CNTNAP5: variants seen among roughly 807,000 people sequenced by gnomAD.
The protein encoded by CNTNAP5 is contactin associated protein family member 5.
CNTNAP5 carries 72 observed loss-of-function variants against 150.2 expected under a neutral mutation model. The ratio of observed to expected loss-of-function variants is 0.48; its 90% CI spans 0.40 to 0.58. The LOEUF (loss-of-function observed/expected upper bound fraction) is 0.58. Ranked by LOEUF, CNTNAP5 falls within the 20% of genes least tolerant of loss-of-function variation. The probability of loss-of-function intolerance (pLI) is 0.00; values close to 1 mark genes in which losing one functional copy is unlikely to be tolerated. For synonymous variants in CNTNAP5, 672 were observed against 619.8 expected, an observed-to-expected ratio of 1.08 and a Z score of -1.25; for missense variants, 1,636 against 1,626.2, an observed-to-expected ratio of 1.01 and a Z score of -0.10.
chr2:124,744,424 A>G (rs939916507), intron 13 of CNTNAP5, among the ~76,000 whole-genome samples: 5 of 152,292 alleles, frequency 3.3e-5, no homozygotes, highest in Admixed American at 2.0e-4. Context: ...CAGCATGAAA[A>G]TGCACTAATA....
At chr2:124,583,309 A>G (rs1329079332) in intron 11 of CNTNAP5, among the ~76,000 whole-genome samples, 1 of 152,214 alleles carries the variant, frequency 6.6e-6, no homozygotes, top group Admixed American at 6.5e-5. Flanking sequence ...CTCAAATGCA[A>G]TGGCTAACAA....
intron 14 of CNTNAP5, among the ~76,000 whole-genome samples, chr2:124,756,538 A>G (rs1680843511): frequency 6.6e-6 from 1 of 152,242 alleles, no homozygotes; most frequent in Non-Finnish European, 1.5e-5. Context: ...GATAGACTGG[A>G]TAAAGAAAAT....
chr2:124,051,256 T>C (rs2104642834), intron 1 of CNTNAP5, among the ~76,000 whole-genome samples: 1 of 152,152 alleles, frequency 6.6e-6, no homozygotes, highest in East Asian at 1.9e-4. Context: ...GTCTCATCAG[T>C]TCAACAGGTG....
At chr2:124,785,181 A>G (rs987593645) in intron 17 of CNTNAP5, among the ~76,000 whole-genome samples, 9 of 152,190 alleles carry the variant, frequency 5.9e-5, no homozygotes, top group Non-Finnish European at 1.2e-4. Flanking sequence ...ATGAAAGTAT[A>G]TTAGAGCAAT....
At chr2:124,523,632 C>T (rs1026686729) in intron 8 of CNTNAP5, among the ~76,000 whole-genome samples, 3 of 152,118 alleles carry the variant, frequency 2.0e-5, no homozygotes, top group Non-Finnish European at 2.9e-5. Flanking sequence ...TAGAGAGTGT[C>T]GTGCCTCATT....
At chr2:124,677,230 AAGGTGGCGCGTCTGGG>A (rs905244611) in intron 13 of CNTNAP5, among the ~76,000 whole-genome samples, 7 of 152,118 alleles carry the variant, frequency 4.6e-5, no homozygotes, top group African/African-American at 1.7e-4. Flanking sequence ...ACAGCTCTTA[AAGGTGGCGCGTCTGGG>A]GTAGCTTTTT....
At chr2:124,027,825 C>CA (rs1680938934) in intron 1 of CNTNAP5, among the ~76,000 whole-genome samples, 1 of 152,096 alleles carries the variant, frequency 6.6e-6, no homozygotes, top group African/African-American at 2.4e-5. Flanking sequence ...TTATGCTGTA[C>CA]AAAATCTATT....
At chr2:124,127,028 T>G (rs749671932) in intron 1 of CNTNAP5, among the ~76,000 whole-genome samples, 1 of 151,718 alleles carries the variant, frequency 6.6e-6, no homozygotes, top group Non-Finnish European at 1.5e-5. Context: ...CTCACCACTC[T>G]TATTCAACAT....
chr2:124,544,529 C>T (rs1251927387), intron 10 of CNTNAP5, among the ~76,000 whole-genome samples: 1 of 152,150 alleles, frequency 6.6e-6, no homozygotes, highest in Non-Finnish European at 1.5e-5. Context: ...ATTATTGCTT[C>T]AGTGAATCAA....
chr2:124,825,667 T>C (rs925509399), intron 19 of CNTNAP5, among the ~76,000 whole-genome samples: 1 of 152,176 alleles, frequency 6.6e-6, no homozygotes, highest in African/African-American at 2.4e-5. Flanking sequence ...GATTATACTT[T>C]AGGGCCTGGA....
At chr2:124,061,718 C>G (rs1682014873) in intron 1 of CNTNAP5, among the ~76,000 whole-genome samples, 1 of 152,166 alleles carries the variant, frequency 6.6e-6, no homozygotes, top group Non-Finnish European at 1.5e-5. Flanking sequence ...GGCTACCTAA[C>G]TAAATAATAA....
intron 2 of CNTNAP5, among the ~76,000 whole-genome samples, chr2:124,240,482 C>T (rs1281530007): frequency 6.6e-6 from 1 of 152,108 alleles, no homozygotes; most frequent in Non-Finnish European, 1.5e-5. Flanking sequence ...TGCCATTAAG[C>T]CATGCACTCA....
intron 1 of CNTNAP5, among the ~76,000 whole-genome samples, chr2:124,035,221 C>A (rs1341710442): frequency 6.6e-6 from 1 of 151,992 alleles, no homozygotes; most frequent in Non-Finnish European, 1.5e-5. Flanking sequence ...TGTGACTCAC[C>A]CTTCCATCAT....
chr2:124,557,410 G>A (rs10188201), intron 10 of CNTNAP5, among the ~76,000 whole-genome samples: 86,269 of 151,940 alleles, frequency 0.57, 24,996 homozygotes, highest in Non-Finnish European at 0.63. Context: ...GAGCGTGCAG[G>A]TAATAGTAAA....
chr2:124,139,651 T>C (rs1684061027), intron 1 of CNTNAP5, among the ~76,000 whole-genome samples: 1 of 152,214 alleles, frequency 6.6e-6, no homozygotes, highest in Admixed American at 6.5e-5. Flanking sequence ...TCTGTAATTA[T>C]ATCCTTCCTT....
intron 6 of CNTNAP5, among the ~76,000 whole-genome samples, chr2:124,459,472 G>A (rs2104819082): frequency 6.6e-6 from 1 of 152,246 alleles, no homozygotes; most frequent in Non-Finnish European, 1.5e-5. Context: ...TTCTTGGCCA[G>A]GTGTGTTGGC....
intron 1 of CNTNAP5, among the ~76,000 whole-genome samples, chr2:124,156,167 G>A (rs1451027419): frequency 1.3e-5 from 2 of 152,180 alleles, no homozygotes; most frequent in African/African-American, 4.8e-5. Flanking sequence ...GCTCATGGTC[G>A]ACTCTGAAAG....
At chr2:124,371,756 C>A (rs898470811) in intron 3 of CNTNAP5, among the ~76,000 whole-genome samples, 1 of 151,572 alleles carries the variant, frequency 6.6e-6, no homozygotes, top group Admixed American at 6.6e-5. Flanking sequence ...TACATAAATT[C>A]TTAGCCAATG....
chr2:124,489,775 G>A (rs1693975015), intron 7 of CNTNAP5, among the ~76,000 whole-genome samples: 1 of 152,064 alleles, frequency 6.6e-6, no homozygotes, highest in Admixed American at 6.5e-5. Flanking sequence ...TGGAGCTTGA[G>A]GTATTCTATC....
Sources: allele counts gnomAD v4.1 joint callset (sites outside exome capture counted in the v4.1 genomes callset), GRCh38; gene constraint gnomAD v4.1.1; transcripts MANE v1.5; gene names NCBI Gene and HGNC (gene_info 2026-07-23, HGNC 2026-07-21).